ANKFN1: variants seen among roughly 807,000 people sequenced by gnomAD.
The protein encoded by ANKFN1 is ankyrin repeat and fibronectin type III domain containing 1.
In ANKFN1, 74 loss-of-function variants were observed where a neutral mutation model predicts 108.7. The observed-to-expected ratio is 0.68, with a 90% CI of 0.56 to 0.83. The LOEUF (loss-of-function observed/expected upper bound fraction) is 0.83. Among genes scored for constraint, ANKFN1 ranks in the 40% least tolerant of loss-of-function variants. The probability of loss-of-function intolerance (pLI) is 0.00; values close to 1 mark genes in which losing one functional copy is unlikely to be tolerated. For synonymous variants in ANKFN1, 547 were observed against 516.2 expected, an observed-to-expected ratio of 1.06 and a Z score of -0.81; for missense variants, 1,505 against 1,382.3, an observed-to-expected ratio of 1.09 and a Z score of -1.41.
intron 1 of ANKFN1, among the ~76,000 whole-genome samples, chr17:56,196,854 A>G (rs1373611184): frequency 2.0e-5 from 3 of 152,224 alleles, no homozygotes; most frequent in Admixed American, 6.5e-5. Flanking sequence ...GGAAGAAGTT[A>G]TGGCCCATCA....
intron 4 of ANKFN1, among the ~76,000 whole-genome samples, chr17:56,346,751 A>G (rs563165250): frequency 1.3e-5 from 2 of 151,310 alleles, no homozygotes; most frequent in Non-Finnish European, 2.9e-5. Context: ...TTAATTTTGA[A>G]TCTTTATGTG....
At chr17:56,263,554 G>A (rs2043574333) in intron 3 of ANKFN1, among the ~76,000 whole-genome samples, 2 of 152,216 alleles carry the variant, frequency 1.3e-5, no homozygotes. Context: ...ATAGAAAGAA[G>A]ATATGTGGGC....
chr17:56,497,601 A>G (rs1409703290), intron 19 of ANKFN1, among the ~76,000 whole-genome samples: 2 of 152,166 alleles, frequency 1.3e-5, no homozygotes. Context: ...TGAAAATAAA[A>G]TATAACACTG....
At chr17:56,199,250 G>T (rs1182720334) in intron 1 of ANKFN1, among the ~76,000 whole-genome samples, 2 of 131,928 alleles carry the variant, frequency 1.5e-5, no homozygotes, top group African/African-American at 3.1e-5. Flanking sequence ...ACGTTTTCTA[G>T]CTCGTTATTG....
chr17:56,432,282 G>T (rs1004137299), intron 8 of ANKFN1, among the ~76,000 whole-genome samples: 2 of 152,250 alleles, frequency 1.3e-5, no homozygotes, highest in South Asian at 4.1e-4. Flanking sequence ...GATATGGCAG[G>T]GTTTCAAGGA....
rs1913433745 is a variant in ANKFN1 at position 56,195,600 on chromosome 17, A to G, written c.-70-16998A>G. Among the ~76,000 whole-genome samples the G allele has an allele frequency of 2.0e-5, 3 of 152,198 alleles. No individual in the cohort carries two copies. The South Asian group carries it at 6.2e-4, about 31-fold the overall frequency. ...CTCTGTAGGAAAACCCAGGACCCAG[A>G]AGGAAGTAGATGCTTATATACTCAA... On this transcript the variant is annotated intron_variant, in intron 1 of 20. Coordinates refer to ENST00000682825, the MANE Select transcript of ANKFN1 (RefSeq NM_001370326.1).
chr17:56,457,710 C>T (rs1004396473), intron 13 of ANKFN1, among the ~76,000 whole-genome samples, 153 bp from the exon 14 acceptor site: 1 of 152,136 alleles, frequency 6.6e-6, no homozygotes, highest in Non-Finnish European at 1.5e-5. Context: ...TCCAATTGGA[C>T]AGAGATCAAA....
At chr17:56,318,906 G>T (rs951819045) in intron 3 of ANKFN1, among the ~76,000 whole-genome samples, 2 of 152,114 alleles carry the variant, frequency 1.3e-5, no homozygotes, top group Admixed American at 1.3e-4. Context: ...GAGTCTTTCA[G>T]GTTATTCTTT....
At chr17:56,096,238 T>C (rs9898091) in intron 4 of ANKFN1, among the ~76,000 whole-genome samples, 26,253 of 152,058 alleles carry the variant, frequency 0.17, 4,826 homozygotes, top group African/African-American at 0.47. Context: ...AGGATGTGGT[T>C]GTCTGATGAG....
intron 19 of ANKFN1, among the ~76,000 whole-genome samples, chr17:56,492,718 A>T (rs2051080718): frequency 6.6e-6 from 1 of 152,194 alleles, no homozygotes; most frequent in African/African-American, 2.4e-5. Context: ...TTAATTCAAT[A>T]TCTCAGAGAA....
At chr17:56,423,734 A>T (rs2048477421) in intron 8 of ANKFN1, among the ~76,000 whole-genome samples, 1 of 152,048 alleles carries the variant, frequency 6.6e-6, no homozygotes, top group Non-Finnish European at 1.5e-5. Context: ...CCCTGCCCCA[A>T]CTTAGTTGGT....
chr17:56,337,206 G>GT (rs2144599525), intron 4 of ANKFN1, among the ~76,000 whole-genome samples: 1 of 152,294 alleles, frequency 6.6e-6, no homozygotes, highest in South Asian at 2.1e-4. Flanking sequence ...TTGATTTGGG[G>GT]TTGAGAGTTC....
intron 4 of ANKFN1, among the ~76,000 whole-genome samples, chr17:56,082,166 A>G (rs985226963): frequency 6.6e-6 from 1 of 152,126 alleles, no homozygotes. Context: ...CCAGTTTCCA[A>G]GCTCCCCATA....
chr17:56,481,251 T>A (rs2050692809), intron 17 of ANKFN1, among the ~76,000 whole-genome samples: 1 of 152,086 alleles, frequency 6.6e-6, no homozygotes. Flanking sequence ...TACAGCAATG[T>A]CCCAAGGATA....
intron 1 of ANKFN1, among the ~76,000 whole-genome samples, chr17:56,189,231 C>T (rs934252587): frequency 1.8e-4 from 22 of 125,492 alleles, no homozygotes; most frequent in African/African-American, 7.0e-4. Context: ...AGTGCAGTGG[C>T]GGGATCTCGG....
intron 8 of ANKFN1, among the ~76,000 whole-genome samples, chr17:56,424,166 A>G (rs1322539215): frequency 1.3e-5 from 2 of 152,192 alleles, no homozygotes; most frequent in East Asian, 1.9e-4. Context: ...CCTTAAAGAC[A>G]TAAAGCTTTA....
At chr17:56,417,515 A>G (rs763934916) in intron 8 of ANKFN1, among the ~76,000 whole-genome samples, 1 of 152,220 alleles carries the variant, frequency 6.6e-6, no homozygotes, top group African/African-American at 2.4e-5. Flanking sequence ...TATGTGTGGT[A>G]CAAGTCCCTG....
chr17:56,307,058 A>G (rs2044850755), intron 3 of ANKFN1, among the ~76,000 whole-genome samples: 3 of 152,156 alleles, frequency 2.0e-5, no homozygotes, highest in Admixed American at 2.0e-4. Context: ...CCTTCCTTAC[A>G]CCTTATACAA....
intron 4 of ANKFN1, among the ~76,000 whole-genome samples, chr17:56,130,925 C>G (rs2143343626): frequency 6.8e-6 from 1 of 146,228 alleles, no homozygotes; most frequent in South Asian, 2.1e-4. Context: ...TGTCAGGCTT[C>G]TAACTTGAGT....
Sources: allele counts gnomAD v4.1 joint callset (sites outside exome capture counted in the v4.1 genomes callset), GRCh38; gene constraint gnomAD v4.1.1; transcripts MANE v1.5; gene names NCBI Gene and HGNC (gene_info 2026-07-23, HGNC 2026-07-21).